GOLT1A: variants seen among roughly 807,000 people sequenced by gnomAD.
GOLT1A encodes vesicle transport protein GOT1A.
Under a neutral mutation model 16.1 loss-of-function variants are expected in GOLT1A, and 10 were observed. The ratio of observed to expected loss-of-function variants is 0.62; its 90% CI spans 0.38 to 1.05. The LOEUF is 1.05. GOLT1A is among the 50% of genes least tolerant of loss of function. GOLT1A has a pLI of 0.01. For synonymous variants in GOLT1A, 60 were observed against 67.9 expected (o/e 0.88, Z 0.57); for missense variants, 137 against 165.7 (o/e 0.83, Z 0.95).
chr1:204,201,875 G>T, intron 2 of GOLT1A, 64 bp from the exon 3 acceptor site: 1 of 1,497,992 alleles, frequency 6.7e-7, no homozygotes, highest in Non-Finnish European at 9.2e-7. Context: ...AGGGACTTAG[G>T]CCTGGAGCCA....
chr1:204,200,299 G>GTGTGTGTATA lies in GOLT1A; in HGVS notation c.297-1042_297-1041insTATACACACA. On this transcript the variant is annotated intron_variant, in intron 3 of 4. Coordinates refer to ENST00000308302, the MANE Select transcript of GOLT1A (RefSeq NM_198447.2). ...GACTGTTTGAAAATGACATATATGT[G>GTGTGTGTATA]TATATATATATATATATATATGTTT... 3.3e-4 allele frequency among the ~76,000 whole-genome samples: 27 copies of GTGTGTGTATA among 82,670 alleles called. 1 individual carries two copies. The highest frequency in any genetic ancestry group is 1.5e-3 in the African/African-American group (27 of 18,054). 54.2% of individuals were successfully genotyped at this position (82,670 alleles called of 152,430 possible).
At chr1:204,213,810 G>T in intron 1 of GOLT1A, 72 bp downstream of exon 1, 1 of 1,547,192 alleles carries the variant, frequency 6.5e-7, no homozygotes, top group Non-Finnish European at 8.8e-7. Context: ...AGAGAGCCCA[G>T]CTGGGAGAGA....
chr1:204,213,820 A>T, intron 1 of GOLT1A, 62 bp downstream of exon 1: 1 of 1,579,920 alleles, frequency 6.3e-7, no homozygotes. Flanking sequence ...GCTGGGAGAG[A>T]GAGCCAGCCG....
At chr1:204,212,373 G>A (rs548931315) in intron 1 of GOLT1A, among the ~76,000 whole-genome samples, 15 of 152,078 alleles carry the variant, frequency 9.9e-5, no homozygotes, top group Non-Finnish European at 1.6e-4. Context: ...GGTGGCTCAC[G>A]CCTGTAATCC....
At chr1:204,212,763 C>A (rs1282652830) in intron 1 of GOLT1A, among the ~76,000 whole-genome samples, 1 of 151,938 alleles carries the variant, frequency 6.6e-6, no homozygotes, top group East Asian at 1.9e-4. Context: ...CACCATAGCA[C>A]AAAACCAAGG....
At chr1:204,205,450 G>A (rs985275014) in intron 1 of GOLT1A, among the ~76,000 whole-genome samples, 9 of 152,156 alleles carry the variant, frequency 5.9e-5, no homozygotes, top group East Asian at 3.9e-4. Context: ...TGATGCCCTC[G>A]TCAAAAATTT....
intron 2 of GOLT1A, among the ~76,000 whole-genome samples, chr1:204,202,158 A>G (rs1425051982): frequency 2.6e-5 from 4 of 151,890 alleles, no homozygotes; most frequent in African/African-American, 9.7e-5. Flanking sequence ...AGAAGTGAAG[A>G]TTGAGGCCTA....
chr1:204,208,264 C>T (rs1307533061), intron 1 of GOLT1A, among the ~76,000 whole-genome samples: 1 of 150,742 alleles, frequency 6.6e-6, no homozygotes, highest in Non-Finnish European at 1.5e-5. Context: ...GCCCAAATGC[C>T]CATTAGTCAA....
At chr1:204,213,379 C>T (rs1659168006) in intron 1 of GOLT1A, among the ~76,000 whole-genome samples, 1 of 137,120 alleles carries the variant, frequency 7.3e-6, no homozygotes, top group African/African-American at 2.6e-5. Context: ...AGCCACGGTT[C>T]TTCCCATGGC....
intron 1 of GOLT1A, 50 bp from the exon 2 acceptor site, chr1:204,203,037 G>C (rs1270235072): frequency 6.0e-6 from 9 of 1,501,586 alleles, no homozygotes; most frequent in Middle Eastern, 1.8e-4. Context: ...GGAGCAGGTG[G>C]GGACCCTGAA....
Position 204,199,213 on chromosome 1 carries a change from G to C in GOLT1A, c.342C>G (p.Asn114Lys). The change falls in exon 4 of 5, where the codon AAC becomes AAG. Residue 114 changes from asparagine (N) to lysine (K), a missense_variant. Asn to Lys is a moderately conservative substitution (Grantham distance 94). Coordinates refer to ENST00000308302, the MANE Select transcript of GOLT1A (RefSeq NM_198447.2). Reference sequence around the variant, plus strand: ...TGCTTACCGCACCCAGGAAGGGGATGTTGCAGACATTGCCCAGGAAGCCGA... The same window carrying C: ...TGCTTACCGCACCCAGGAAGGGGATCTTGCAGACATTGCCCAGGAAGCCGA... ...VAFGFLGNVC[N>K]IPFLGALFRR... 1.2e-6 allele frequency: 2 copies of C among 1,601,884 alleles called. No homozygotes were observed. The highest frequency in any genetic ancestry group is 1.3e-5 in the African/African-American group (1 of 74,982).
At chr1:204,204,019 C>A (rs1287944372) in intron 1 of GOLT1A, among the ~76,000 whole-genome samples, 1 of 152,188 alleles carries the variant, frequency 6.6e-6, no homozygotes, top group African/African-American at 2.4e-5. Context: ...ACGATTTGTA[C>A]AATAACCGGA....
chr1:204,208,693 G>T (rs1308588005), intron 1 of GOLT1A, among the ~76,000 whole-genome samples: 2 of 151,536 alleles, frequency 1.3e-5, no homozygotes, highest in African/African-American at 4.9e-5. Context: ...AATAGACTTT[G>T]GGGACTCATG....
At chr1:204,213,648 GC>G (rs950044621) in intron 1 of GOLT1A, among the ~76,000 whole-genome samples, 93 of 152,294 alleles carry the variant, frequency 6.1e-4, no homozygotes, top group African/African-American at 2.1e-3. Context: ...AACCTGCCAG[GC>G]CCCCTGGGCA....
chr1:204,203,824 A>G (rs1199168377), intron 1 of GOLT1A, among the ~76,000 whole-genome samples: 1 of 150,484 alleles, frequency 6.6e-6, no homozygotes, highest in Non-Finnish European at 1.5e-5. Flanking sequence ...CCCATTCCCA[A>G]GGTTTGACAG....
chr1:204,200,299 G>GTGTGTATATATATATA lies in GOLT1A; in HGVS notation c.297-1042_297-1041insTATATATATATACACA. Among the ~76,000 whole-genome samples, 191 of 82,672 alleles carry GTGTGTATATATATATA rather than the reference G, an allele frequency of 2.3e-3. 12 individuals carry two copies. Among genetic ancestry groups the GTGTGTATATATATATA allele is most frequent in the East Asian group, 0.019 (48 of 2,500 alleles). 54.2% of individuals were successfully genotyped at this position (82,672 alleles called of 152,430 possible). ...GACTGTTTGAAAATGACATATATGT[G>GTGTGTATATATATATA]TATATATATATATATATATATGTTT... On this transcript the variant is annotated intron_variant, in intron 3 of 4. Transcript: ENST00000308302.
chr1:204,201,493 T>C (rs1658960606), intron 3 of GOLT1A, 140 bp downstream of exon 3: 1 of 797,866 alleles, frequency 1.3e-6, no homozygotes. Context: ...TTCAGCCTAC[T>C]TTAGGGGGCC....
At chr1:204,212,541 G>A (rs891710568) in intron 1 of GOLT1A, among the ~76,000 whole-genome samples, 20 of 151,418 alleles carry the variant, frequency 1.3e-4, no homozygotes, top group African/African-American at 4.6e-4. Context: ...GGAGGCTGAG[G>A]CAGGAGAATC....
chr1:204,206,863 G>A (rs1342016678), intron 1 of GOLT1A, among the ~76,000 whole-genome samples: 1 of 152,216 alleles, frequency 6.6e-6, no homozygotes, highest in Non-Finnish European at 1.5e-5. Flanking sequence ...TTCTGCAGCA[G>A]TGATTTGCTG....
Sources: gnomAD v4.1 joint callset for allele counts (sites outside exome capture counted in the v4.1 genomes callset) on GRCh38, gnomAD v4.1.1 for gene constraint, MANE v1.5 for transcripts, NCBI Gene and HGNC (gene_info 2026-07-23, HGNC 2026-07-21) for gene names.